Variants in LGSN observed in about 807,000 individuals in gnomAD.
LGSN encodes lengsin.
In LGSN, 21 loss-of-function variants were observed where a neutral mutation model predicts 19.5. That is an observed-to-expected ratio of 1.07 (90% CI 0.76 to 1.55). The LOEUF (loss-of-function observed/expected upper bound fraction) is 1.55. LGSN is among the 40% of genes most tolerant of loss of function. The pLI, the probability that LGSN is intolerant of heterozygous loss-of-function variation, is 0.00. For synonymous variants in LGSN, 257 were observed against 215.6 expected (o/e 1.19, Z -1.68); for missense variants, 673 against 608.5 (o/e 1.11, Z -1.12).
the LGSN span, among the ~76,000 whole-genome samples, chr6:63,360,844 T>C: frequency 1.4e-4 from 21 of 152,352 alleles, no homozygotes; most frequent in Non-Finnish European, 2.6e-4. Context: ...GGTGTGGATG[T>C]CCTTTCTGTT....
the LGSN span, among the ~76,000 whole-genome samples, chr6:63,514,349 C>T: frequency 1.3e-5 from 2 of 152,128 alleles, no homozygotes; most frequent in Admixed American, 6.6e-5. Flanking sequence ...TGCCTCAGAT[C>T]CCTGAACAGC....
At chr6:63,434,658 G>T in the LGSN span, among the ~76,000 whole-genome samples, 3 of 147,944 alleles carry the variant, frequency 2.0e-5, no homozygotes, top group African/African-American at 7.4e-5. Context: ...CTTTAGCAGA[G>T]AGACAAAACT....
At chr6:63,340,615 CTT>C in the LGSN span, among the ~76,000 whole-genome samples, 6 of 132,598 alleles carry the variant, frequency 4.5e-5, no homozygotes, top group Non-Finnish European at 1.6e-5. Flanking sequence ...TTCTGTTTGG[CTT>C]TTTTTTTTAA....
chr6:63,563,422 ATC>A, the LGSN span, among the ~76,000 whole-genome samples: 1 of 152,046 alleles, frequency 6.6e-6, no homozygotes, highest in African/African-American at 2.4e-5. Context: ...CACCAAAAAT[ATC>A]TCTCTTCCTC....
At chr6:63,572,362 G>A in the LGSN span, 1 of 300,768 alleles carries the variant, frequency 3.3e-6, no homozygotes, top group Non-Finnish European at 6.1e-6. Flanking sequence ...GACGTCCGGA[G>A]GGGGCGGGCC....
At chr6:63,503,925 C>G in the LGSN span, among the ~76,000 whole-genome samples, 1 of 151,854 alleles carries the variant, frequency 6.6e-6, no homozygotes, top group Middle Eastern at 3.4e-3. Context: ...TCAAAAAAAC[C>G]AAAACAACAA....
the LGSN span, among the ~76,000 whole-genome samples, chr6:63,558,562 T>C: frequency 1.3e-5 from 2 of 152,172 alleles, no homozygotes; most frequent in African/African-American, 4.8e-5. Flanking sequence ...AGAGAGATTA[T>C]TGGCTCAGCC....
chr6:63,316,124 A>G (rs1038813956), intron 1 of LGSN, among the ~76,000 whole-genome samples: 10 of 152,132 alleles, frequency 6.6e-5, no homozygotes, highest in African/African-American at 1.4e-4. Context: ...CACTTCTACA[A>G]TCAAATTTTC....
At chr6:63,373,309 GT>G in the LGSN span, among the ~76,000 whole-genome samples, 1 of 152,220 alleles carries the variant, frequency 6.6e-6, no homozygotes, top group Non-Finnish European at 1.5e-5. Context: ...AGGAAAAATA[GT>G]AACTACAGTG....
At chr6:63,416,901 C>T in the LGSN span, among the ~76,000 whole-genome samples, 1 of 144,324 alleles carries the variant, frequency 6.9e-6, no homozygotes, top group South Asian at 2.2e-4. Flanking sequence ...TATATATACA[C>T]TTTAAAAGTG....
At chr6:63,438,582 C>G in the LGSN span, among the ~76,000 whole-genome samples, 2 of 151,800 alleles carry the variant, frequency 1.3e-5, no homozygotes, top group African/African-American at 4.8e-5. Flanking sequence ...GACATTTATG[C>G]AGCCAAAAAA....
chr6:63,530,999 A>G, the LGSN span, among the ~76,000 whole-genome samples: 1 of 152,162 alleles, frequency 6.6e-6, no homozygotes, highest in Non-Finnish European at 1.5e-5. Flanking sequence ...TATAATTTCA[A>G]CTATTCAACT....
the LGSN span, among the ~76,000 whole-genome samples, chr6:63,546,016 C>T: frequency 6.6e-6 from 1 of 152,162 alleles, no homozygotes; most frequent in East Asian, 1.9e-4. Context: ...AGCAATCCCA[C>T]TTCAGGGTAT....
At chr6:63,489,589 C>G in the LGSN span, among the ~76,000 whole-genome samples, 4 of 152,226 alleles carry the variant, frequency 2.6e-5, no homozygotes, top group African/African-American at 9.6e-5. Context: ...AGTCTGGTCT[C>G]AAACTCCTGA....
chr6:63,549,675 G>A, the LGSN span, among the ~76,000 whole-genome samples: 12 of 151,848 alleles, frequency 7.9e-5, no homozygotes, highest in Non-Finnish European at 1.6e-4. Flanking sequence ...TAGAACTGGA[G>A]GACATTATGT....
the LGSN span, among the ~76,000 whole-genome samples, chr6:63,428,295 T>C: frequency 6.6e-6 from 1 of 152,158 alleles, no homozygotes; most frequent in South Asian, 2.1e-4. Flanking sequence ...GGCTGGAATA[T>C]AAGGTATTTA....
chr6:63,369,016 T>C, the LGSN span, among the ~76,000 whole-genome samples: 3 of 152,238 alleles, frequency 2.0e-5, no homozygotes, highest in African/African-American at 7.2e-5. Context: ...GTGCTGCTCA[T>C]ATTTGTCTCT....
chr6:63,378,749 A>G, the LGSN span, among the ~76,000 whole-genome samples: 3 of 152,102 alleles, frequency 2.0e-5, no homozygotes, highest in African/African-American at 7.2e-5. Flanking sequence ...ACCCCACCCC[A>G]TGCTGACAGA....
At chr6:63,514,363 G>C in the LGSN span, among the ~76,000 whole-genome samples, 15 of 152,184 alleles carry the variant, frequency 9.9e-5, no homozygotes, top group African/African-American at 1.9e-4. Context: ...GAACAGCTGG[G>C]ACTACAGCCA....
Sources: gnomAD v4.1 joint callset for allele counts (sites outside exome capture counted in the v4.1 genomes callset) on GRCh38, gnomAD v4.1.1 for gene constraint, MANE v1.5 for transcripts, NCBI Gene and HGNC (gene_info 2026-07-23, HGNC 2026-07-21) for gene names.